Variants in NGF observed in about 807,000 individuals in gnomAD.
NGF encodes the protein beta-nerve growth factor.
In NGF, 4 loss-of-function variants were observed where a neutral mutation model predicts 12.8. The ratio of observed to expected loss-of-function variants is 0.31; its 90% CI spans 0.15 to 0.72. NGF has a LOEUF of 0.72. Ranked by LOEUF, NGF falls within the 30% of genes least tolerant of loss-of-function variation. NGF has a pLI of 0.69. For synonymous variants in NGF, 140 were observed against 130.0 expected, an observed-to-expected ratio of 1.08 and a Z score of -0.52; for missense variants, 283 against 330.8, an observed-to-expected ratio of 0.86 and a Z score of 1.12.
intron 1 of NGF, among the ~76,000 whole-genome samples, chr1:115,317,255 G>T (rs1654498251): frequency 6.6e-6 from 1 of 152,094 alleles, no homozygotes; most frequent in South Asian, 2.1e-4. Flanking sequence ...CAATAAGCTG[G>T]GCAAGCAGTT....
chr1:115,337,261 G>GTTTTTTTTTTTTTTTTTTTTTTT (rs368973980), intron 1 of NGF, among the ~76,000 whole-genome samples: 2 of 11,758 alleles, frequency 1.7e-4, no homozygotes, highest in African/African-American at 2.3e-4. Context: ...TTTTTGTTTT[G>GTTTTTTTTTTTTTTTTTTTTTTT]TTTTTGTTTT....
In NGF at chr1:115,286,383, C is replaced by T; in HGVS notation, c.413G>A (p.Ser138Asn). The T allele has an allele frequency of 6.2e-7, 1 of 1,614,072 alleles. No individual in the cohort carries two copies. Among genetic ancestry groups the T allele is most frequent in the Non-Finnish European group, 8.5e-7 (1 of 1,180,036 alleles). Residue 138 changes from serine (S) to asparagine (N), a missense_variant, in exon 3 of 3, where the codon AGT becomes AAT. Ser to Asn is a conservative substitution (Grantham distance 46). Transcript: ENST00000369512. ...FHRGEFSVCD[S>N]VSVWVGDKTT... ...CTTATCCCCAACCCACACGCTGACACTGTCACACACCGAGAATTCGCCCCT... is the reference window on the plus strand; with the variant it reads ...CTTATCCCCAACCCACACGCTGACATTGTCACACACCGAGAATTCGCCCCT...
chr1:115,302,092 T>C (rs1243190633), intron 1 of NGF, among the ~76,000 whole-genome samples: 1 of 152,208 alleles, frequency 6.6e-6, no homozygotes, highest in African/African-American at 2.4e-5. Flanking sequence ...TTGAAAGGAA[T>C]TGAAGACTCT....
At chr1:115,336,319 G>T (rs771123503) in intron 1 of NGF, among the ~76,000 whole-genome samples, 7 of 152,192 alleles carry the variant, frequency 4.6e-5, no homozygotes, top group Non-Finnish European at 8.8e-5. Context: ...GTGTTCTCAT[G>T]CCCCAGTGAT....
intron 1 of NGF, among the ~76,000 whole-genome samples, chr1:115,337,267 G>GTTTTGTTTTTT (rs1655145890): frequency 1.2e-5 from 1 of 81,030 alleles, no homozygotes; most frequent in Non-Finnish European, 2.3e-5. Context: ...TTTTGTTTTT[G>GTTTTGTTTTTT]TTTTTTTTTT....
intron 2 of NGF, among the ~76,000 whole-genome samples, chr1:115,290,345 G>A (rs1653649459): frequency 6.6e-6 from 1 of 150,912 alleles, no homozygotes; most frequent in Non-Finnish European, 1.5e-5. Context: ...GCTTCCCCTG[G>A]GGAGCTTTTT....
At chr1:115,322,591 C>T (rs938666806) in intron 1 of NGF, among the ~76,000 whole-genome samples, 6 of 152,018 alleles carry the variant, frequency 3.9e-5, no homozygotes, top group Non-Finnish European at 8.8e-5. Context: ...GCTTGACCAG[C>T]GTAAAGAGAT....
intron 1 of NGF, among the ~76,000 whole-genome samples, chr1:115,308,758 ACAAAGTG>A (rs1488080242): frequency 6.6e-6 from 1 of 152,314 alleles, no homozygotes; most frequent in Admixed American, 6.5e-5. Context: ...AGGAAAGAAG[ACAAAGTG>A]AGAGAAAGAA....
intron 1 of NGF, among the ~76,000 whole-genome samples, chr1:115,303,750 C>G (rs1226942436): frequency 6.6e-6 from 1 of 152,202 alleles, no homozygotes; most frequent in African/African-American, 2.4e-5. Context: ...GGTTAAAGAA[C>G]TTTGGAGTCA....
At position 115,286,656 on chromosome 1, in the gene NGF, G is replaced by T. The variant is rs181709715; in HGVS notation, c.140C>A (p.Ala47Asp). ...WTKLQHSLDT[A>D]LRRARSAPAA... Reference sequence around the variant, plus strand: ...CGGGGCGCTGCGGGCTCTGCGAAGGGCAGTGTCAAGGGAATGCTGAAGTTT... The same window carrying T: ...CGGGGCGCTGCGGGCTCTGCGAAGGTCAGTGTCAAGGGAATGCTGAAGTTT... The change falls in exon 3 of 3, where the codon GCC (alanine) becomes GAC (aspartate). Residue 47 changes from alanine to aspartate, a missense_variant. Physicochemically the swap from Ala to Asp is moderately radical, Grantham distance 126. This residue lies in a region of NGF where 151 missense variants were observed against 141.6 expected (regional missense o/e 1.07). Coordinates refer to ENST00000369512, the MANE Select transcript of NGF (RefSeq NM_002506.3). 6.2e-7 allele frequency: 1 copy of T among 1,614,234 alleles called. No homozygotes were observed. The highest frequency in any genetic ancestry group is 2.2e-5 in the East Asian group (1 of 44,872).
rs1283082525 is a variant in NGF at position 115,286,733 on chromosome 1, G to A, written c.63C>T (p.His21=). 1.2e-6 allele frequency: 2 copies of A among 1,614,238 alleles called. No homozygotes were observed. Among genetic ancestry groups the A allele is most frequent in the Non-Finnish European group, 1.7e-6 (2 of 1,180,048 alleles). ...AFLIGIQAEP[H]SESNVPAGHT... is the part of the protein sequence containing the mutation. The stretch of plus-strand genomic sequence containing the variant: ...GTCCTGCAGGGACATTGCTCTCTGA[G>A]TGTGGTTCCGCCTGTATGCCGATCA... The change falls in exon 3 of 3, where the codon CAC becomes CAT. Residue 21 remains histidine, a synonymous_variant. Transcript: ENST00000369512.
intron 1 of NGF, among the ~76,000 whole-genome samples, chr1:115,298,008 G>C (rs1653922180): frequency 6.6e-6 from 1 of 152,216 alleles, no homozygotes; most frequent in South Asian, 2.1e-4. Flanking sequence ...TAGTAATTAA[G>C]AGAGATTATC....
Position 115,286,133 on chromosome 1 carries a change from C to T in NGF, c.663G>A (p.Arg221=). 1.2e-6 allele frequency: 2 copies of T among 1,613,608 alleles called. No homozygotes were observed. Among genetic ancestry groups the T allele is most frequent in the Non-Finnish European group, 1.7e-6 (2 of 1,179,646 alleles). ...CACAGGCCGTATCTATCCGGATAAA[C>T]CGCCAGGCAGCCTGCTTGCCATCCA... is the stretch of plus-strand genomic sequence containing the variant. The part of the protein sequence containing the change: ...LTMDGKQAAW[R]FIRIDTACVC... Residue 221 remains arginine (R), a synonymous_variant, in exon 3 of 3, where the codon CGG becomes CGA. Coordinates refer to ENST00000369512, the MANE Select transcript of NGF (RefSeq NM_002506.3).
intron 1 of NGF, among the ~76,000 whole-genome samples, chr1:115,316,247 A>G (rs1487622512): frequency 6.6e-6 from 1 of 152,042 alleles, no homozygotes; most frequent in Non-Finnish European, 1.5e-5. Flanking sequence ...TTCTAGTCCT[A>G]AACTCCTGCC....
At chr1:115,288,272 G>A (rs754588146) in intron 2 of NGF, among the ~76,000 whole-genome samples, 2 of 152,172 alleles carry the variant, frequency 1.3e-5, no homozygotes, top group East Asian at 3.8e-4. Flanking sequence ...TCTGCATTGG[G>A]TCTGGGGGTT....
At chr1:115,319,037 G>A (rs1654547862) in intron 1 of NGF, among the ~76,000 whole-genome samples, 1 of 152,176 alleles carries the variant, frequency 6.6e-6, no homozygotes, top group Admixed American at 6.5e-5. Context: ...CTAGCGTCCT[G>A]GTGGGGAGAC....
chr1:115,325,637 C>A (rs1002327091), intron 1 of NGF, among the ~76,000 whole-genome samples: 47 of 152,102 alleles, frequency 3.1e-4, no homozygotes, highest in Admixed American at 1.3e-4. Flanking sequence ...TTGCAATTTA[C>A]ATTTTTAAAG....
chr1:115,321,273 C>T (rs895262760), intron 1 of NGF, among the ~76,000 whole-genome samples: 5 of 152,092 alleles, frequency 3.3e-5, no homozygotes, highest in African/African-American at 1.2e-4. Context: ...AGCACAGCTC[C>T]TGGTATGATG....
intron 1 of NGF, among the ~76,000 whole-genome samples, chr1:115,319,923 A>G (rs1046464014): frequency 6.6e-6 from 1 of 152,138 alleles, no homozygotes; most frequent in Non-Finnish European, 1.5e-5. Context: ...GTTGATAAAT[A>G]TCATTAGATG....
Sources: gnomAD v4.1 joint callset for allele counts (sites outside exome capture counted in the v4.1 genomes callset) on GRCh38, gnomAD v4.1.1 for gene constraint, gnomAD v4.1.1 regional missense constraint, MANE v1.5 for transcripts, NCBI Gene and HGNC (gene_info 2026-07-23, HGNC 2026-07-21) for gene names.